Variants in TRPS1 observed in about 807,000 individuals in gnomAD.
TRPS1 encodes the protein zinc finger transcription factor Trps1.
TRPS1 carries 6 observed loss-of-function variants against 101.2 expected under a neutral mutation model. The observed-to-expected ratio is 0.06, with a 90% CI of 0.03 to 0.12. The LOEUF (loss-of-function observed/expected upper bound fraction) is 0.12. Among genes scored for constraint, TRPS1 ranks in the 10% least tolerant of loss-of-function variants. The pLI is 1.00. For missense variants in TRPS1, 1,363 were observed against 1,567.0 expected (o/e 0.87, Z 2.20); for synonymous variants, 578 against 589.8 (o/e 0.98, Z 0.29).
At chr8:115,495,763 G>A (rs71530808) in intron 5 of TRPS1, among the ~76,000 whole-genome samples, 8,396 of 151,970 alleles carry the variant, frequency 0.055, 337 homozygotes, top group Middle Eastern at 0.092. Context: ...AAAACACATG[G>A]AATTAACCAG....
chr8:115,558,164 G>A (rs1245417344), intron 5 of TRPS1, among the ~76,000 whole-genome samples: 1 of 151,756 alleles, frequency 6.6e-6, no homozygotes, highest in Non-Finnish European at 1.5e-5. Context: ...AAATTTGTGA[G>A]ATATTCTGTA....
At position 115,413,780 on chromosome 8, in the gene TRPS1, C is replaced by T. The variant is rs763444403; in HGVS notation, c.*243G>A. ...TACATATTAGCCAAGATGGTTTTGACTTAACAGGTTTTAAAAAGTGATTGT... is the reference window on the plus strand; with the variant it reads ...TACATATTAGCCAAGATGGTTTTGATTTAACAGGTTTTAAAAAGTGATTGT... On this transcript the variant is annotated 3_prime_UTR_variant, in exon 7 of 7. Coordinates refer to ENST00000395715, the MANE Select transcript of TRPS1 (RefSeq NM_014112.5). 70 of 506,086 alleles carry T rather than the reference C, an allele frequency of 1.4e-4. 1 individual carries two copies. The East Asian group carries it at 1.7e-3, about 13-fold the overall frequency. The allele number at this position is 506,086 out of a possible 1,614,324, so 31.3% of individuals were successfully genotyped here.
At chr8:115,593,461 T>C (rs1817722233) in intron 4 of TRPS1, among the ~76,000 whole-genome samples, 2 of 152,172 alleles carry the variant, frequency 1.3e-5, no homozygotes, top group Non-Finnish European at 2.9e-5. Context: ...ACGTACGTTA[T>C]TTGATAGTTA....
intron 5 of TRPS1, among the ~76,000 whole-genome samples, chr8:115,505,058 A>G (rs923559720): frequency 2.0e-5 from 3 of 152,156 alleles, no homozygotes; most frequent in African/African-American, 7.2e-5. Flanking sequence ...ACTCATATAA[A>G]TAAGAGTGAA....
intron 5 of TRPS1, among the ~76,000 whole-genome samples, chr8:115,510,526 C>A (rs1815557973): frequency 6.6e-6 from 1 of 151,888 alleles, no homozygotes; most frequent in Non-Finnish European, 1.5e-5. Flanking sequence ...GTCTGTTAGA[C>A]CCCCAAAAGA....
At chr8:115,464,356 C>T (rs760470594) in intron 5 of TRPS1, among the ~76,000 whole-genome samples, 3 of 152,172 alleles carry the variant, frequency 2.0e-5, no homozygotes, top group East Asian at 1.9e-4. Context: ...ACCTGTTTAT[C>T]GTTGCTTATT....
chr8:115,573,097 C>T (rs1374057018), intron 5 of TRPS1, among the ~76,000 whole-genome samples: 1 of 151,610 alleles, frequency 6.6e-6, no homozygotes, highest in Non-Finnish European at 1.5e-5. Context: ...GTGCTCCAGC[C>T]TGGGCAACAA....
rs530428227 is a variant in TRPS1 at position 115,521,898 on chromosome 8, T to C, written c.2700+65103A>G. The stretch of plus-strand genomic sequence containing the variant: ...ATTAAGTATATTCCAAGATTACAAT[T>C]ATTTTTTAAATAAAATTTGGTTTAA... On this transcript the variant is annotated intron_variant, in intron 5 of 6. Transcript: ENST00000395715. Among the ~76,000 whole-genome samples the C allele has an allele frequency of 7.9e-5, 12 of 152,064 alleles. No homozygotes were observed. The East Asian group carries it at 2.1e-3, about 27-fold the overall frequency.
At chr8:115,534,469 A>G (rs1449822664) in intron 5 of TRPS1, among the ~76,000 whole-genome samples, 1 of 152,204 alleles carries the variant, frequency 6.6e-6, no homozygotes, top group East Asian at 1.9e-4. Flanking sequence ...CGATACCATC[A>G]CACTGGAGGT....
At chr8:115,449,930 G>T (rs1813825344) in intron 5 of TRPS1, among the ~76,000 whole-genome samples, 1 of 148,610 alleles carries the variant, frequency 6.7e-6, no homozygotes, top group Admixed American at 6.7e-5. Context: ...GCCTTCTCTT[G>T]GAGATGCCAA....
chr8:115,469,339 A>T (rs1308072102), intron 5 of TRPS1, among the ~76,000 whole-genome samples: 1 of 152,188 alleles, frequency 6.6e-6, no homozygotes, highest in Non-Finnish European at 1.5e-5. Context: ...AACATCATTA[A>T]CTGGTGCTAA....
intron 5 of TRPS1, among the ~76,000 whole-genome samples, chr8:115,490,088 T>C (rs1471155581): frequency 6.6e-6 from 1 of 152,154 alleles, no homozygotes; most frequent in South Asian, 2.1e-4. Context: ...TTTACAATTG[T>C]ATTTTTATAA....
At chr8:115,648,388 G>A (rs1402501379) in intron 1 of TRPS1, among the ~76,000 whole-genome samples, 1 of 152,176 alleles carries the variant, frequency 6.6e-6, no homozygotes, top group Non-Finnish European at 1.5e-5. Context: ...AGGACTTCCT[G>A]CGATAACACG....
At chr8:115,458,350 C>T (rs1386396158) in intron 5 of TRPS1, among the ~76,000 whole-genome samples, 1 of 151,996 alleles carries the variant, frequency 6.6e-6, no homozygotes, top group Admixed American at 6.6e-5. Context: ...AAGGACATGC[C>T]ATCCTTTTAA....
At chr8:115,517,491 C>T (rs1034068436) in intron 5 of TRPS1, among the ~76,000 whole-genome samples, 1 of 151,130 alleles carries the variant, frequency 6.6e-6, no homozygotes, top group Non-Finnish European at 1.5e-5. Flanking sequence ...GGAGACGATG[C>T]CAAAGGATGT....
At chr8:115,608,257 CT>C (rs1233848154) in intron 3 of TRPS1, among the ~76,000 whole-genome samples, 1 of 152,158 alleles carries the variant, frequency 6.6e-6, no homozygotes, top group African/African-American at 2.4e-5. Flanking sequence ...CCAGCAGTTC[CT>C]TTGGTAAAGA....
chr8:115,533,328 T>C (rs1816181199), intron 5 of TRPS1, among the ~76,000 whole-genome samples: 1 of 151,920 alleles, frequency 6.6e-6, no homozygotes, highest in Admixed American at 6.6e-5. Flanking sequence ...TCTAATGTTG[T>C]CAATTACGGT....
chr8:115,618,109 G>C (rs1029809868), intron 3 of TRPS1, among the ~76,000 whole-genome samples: 1 of 152,094 alleles, frequency 6.6e-6, no homozygotes, highest in Non-Finnish European at 1.5e-5. Context: ...CTATCAAGTG[G>C]ATAAAAATGA....
At chr8:115,516,854 A>G (rs1815724241) in intron 5 of TRPS1, among the ~76,000 whole-genome samples, 1 of 151,606 alleles carries the variant, frequency 6.6e-6, no homozygotes, top group Admixed American at 6.6e-5. Flanking sequence ...TAACACTATC[A>G]CTGAACAAAC....
Sources: gnomAD v4.1 joint callset for allele counts (sites outside exome capture counted in the v4.1 genomes callset) on GRCh38, gnomAD v4.1.1 for gene constraint, MANE v1.5 for transcripts, NCBI Gene and HGNC (gene_info 2026-07-23, HGNC 2026-07-21) for gene names.